Variants in MTF2 observed in about 807,000 individuals in gnomAD.
The protein encoded by MTF2 is metal-response element-binding transcription factor 2.
MTF2 carries 11 observed loss-of-function variants against 79.5 expected under a neutral mutation model. That is an observed-to-expected ratio of 0.14 (90% CI 0.09 to 0.23). The LOEUF (loss-of-function observed/expected upper bound fraction) is 0.23, where lower values mean the gene tolerates loss of function less well. Ranked by LOEUF, MTF2 falls within the 10% of genes least tolerant of loss-of-function variation. The pLI is 1.00. For missense variants in MTF2, 486 were observed against 711.2 expected (o/e 0.68, Z 3.60); for synonymous variants, 208 against 232.8 (o/e 0.89, Z 0.97).
At chr1:93,120,138 T>G (rs1329043552) in intron 8 of MTF2, 1 of 152,680 alleles carries the variant, frequency 6.5e-6, no homozygotes, top group Non-Finnish European at 1.5e-5. Context: ...CAAAAAAATT[T>G]AGCCTAGCGT....
chr1:93,091,736 C>G (rs1483801869), intron 1 of MTF2, among the ~76,000 whole-genome samples: 1 of 152,158 alleles, frequency 6.6e-6, no homozygotes, highest in Non-Finnish European at 1.5e-5. Context: ...AGTTAACTAA[C>G]TTAATTAAAT....
rs751341409 is a variant in MTF2 at position 93,127,216 on chromosome 1, T to C, written c.922-16T>C. On this transcript the variant is annotated splice_polypyrimidine_tract_variant and intron_variant, in intron 9 of 14. Coordinates refer to ENST00000370298, the MANE Select transcript of MTF2 (RefSeq NM_007358.4). ...TGAAATTGTAGTGCGTTAAATTGTT[T>C]CTTGATACTTCACAGCTGGCAGACA... The C allele has an allele frequency of 6.3e-7, 1 of 1,595,066 alleles. No homozygotes were observed. The highest frequency in any genetic ancestry group is 8.6e-7 in the Non-Finnish European group (1 of 1,162,926).
At chr1:93,099,608 G>A (rs890790313) in intron 1 of MTF2, among the ~76,000 whole-genome samples, 3 of 152,134 alleles carry the variant, frequency 2.0e-5, no homozygotes, top group African/African-American at 7.2e-5. Flanking sequence ...CAATTGTGAG[G>A]GTGGGATTGA....
At chr1:93,098,292 C>T (rs1422920537) in intron 1 of MTF2, among the ~76,000 whole-genome samples, 1 of 152,166 alleles carries the variant, frequency 6.6e-6, no homozygotes, top group Non-Finnish European at 1.5e-5. Flanking sequence ...TTGTCTGTCC[C>T]TGCCTTTTGC....
At chr1:93,089,213 AT>A (rs887551335) in intron 1 of MTF2, among the ~76,000 whole-genome samples, 2 of 152,182 alleles carry the variant, frequency 1.3e-5, no homozygotes, top group Admixed American at 1.3e-4. Context: ...GTGAGGTGAA[AT>A]TAAGTAAAAT....
intron 3 of MTF2, among the ~76,000 whole-genome samples, chr1:93,114,432 A>G (rs1656164718): frequency 6.6e-6 from 1 of 152,234 alleles, no homozygotes; most frequent in African/African-American, 2.4e-5. Context: ...ATGAGTAATA[A>G]GGGAAGATGC....
chr1:93,135,527 T>C (rs1408027962), intron 14 of MTF2, among the ~76,000 whole-genome samples: 2 of 152,246 alleles, frequency 1.3e-5, no homozygotes, highest in Non-Finnish European at 2.9e-5. Flanking sequence ...AATATTGTCT[T>C]ATTTAATTCT....
intron 1 of MTF2, among the ~76,000 whole-genome samples, chr1:93,109,362 C>T (rs1655939032): frequency 6.6e-6 from 1 of 151,558 alleles, no homozygotes; most frequent in East Asian, 1.9e-4. Context: ...GAGACAGAGT[C>T]TTGCTCTGTT....
Position 93,134,978 on chromosome 1 carries a change from A to AT in MTF2, c.1424+792dup, listed in dbSNP as rs200681560. Reference sequence around the variant, plus strand: ...AGGACAACGTTTTTGTTTATTGTTTATTTTTTTTTGAGATGGAGTCTCGCT... The same window carrying AT: ...AGGACAACGTTTTTGTTTATTGTTTATTTTTTTTTTGAGATGGAGTCTCGCT... On this transcript the variant is annotated intron_variant, in intron 14 of 14. Coordinates refer to ENST00000370298, the MANE Select transcript of MTF2 (RefSeq NM_007358.4). 5.3e-5 allele frequency among the ~76,000 whole-genome samples: 8 copies of AT among 150,254 alleles called. No individual in the cohort carries two copies. The South Asian group carries it at 6.3e-4, about 12-fold the overall frequency.
chr1:93,135,672 G>A lies in MTF2; in HGVS notation c.1425-998G>A, dbSNP rs576254346. 3.3e-5 allele frequency among the ~76,000 whole-genome samples: 5 copies of A among 152,278 alleles called. No homozygotes were observed. In the South Asian group the frequency reaches 8.3e-4, roughly 25 times the overall value. ...CCTACAAAAGAAAAAAATTATCTGG[G>A]CGTGGTATTGGTGTCTGTAGTCCTA... On this transcript the variant is annotated intron_variant, in intron 14 of 14. Coordinates refer to ENST00000370298, the MANE Select transcript of MTF2 (RefSeq NM_007358.4).
At chr1:93,135,753 G>A (rs1647364283) in intron 14 of MTF2, among the ~76,000 whole-genome samples, 1 of 152,240 alleles carries the variant, frequency 6.6e-6, no homozygotes, top group African/African-American at 2.4e-5. Context: ...CAGGGCTCCT[G>A]TGAGCCATGA....
At chr1:93,080,003 G>A (rs1164601924) in intron 1 of MTF2, among the ~76,000 whole-genome samples, 2 of 151,986 alleles carry the variant, frequency 1.3e-5, no homozygotes, top group Admixed American at 1.3e-4. Context: ...GGAATCGGAG[G>A]GTGGAATTGT....
At chr1:93,103,496 A>G (rs984835611) in intron 1 of MTF2, among the ~76,000 whole-genome samples, 1 of 151,578 alleles carries the variant, frequency 6.6e-6, no homozygotes, top group African/African-American at 2.4e-5. Flanking sequence ...TTATAGAATA[A>G]TATATATAAT....
At chr1:93,132,626 G>A (rs1168376734) in intron 11 of MTF2, among the ~76,000 whole-genome samples, 4 of 152,134 alleles carry the variant, frequency 2.6e-5, no homozygotes, top group Non-Finnish European at 4.4e-5. Flanking sequence ...TGATTATAGC[G>A]TCTGGTTCTA....
At chr1:93,103,475 T>C (rs1186309657) in intron 1 of MTF2, among the ~76,000 whole-genome samples, 1 of 151,486 alleles carries the variant, frequency 6.6e-6, no homozygotes, top group Admixed American at 6.6e-5. Flanking sequence ...TACATTGTTA[T>C]GTGAGAAAAT....
chr1:93,080,060 A>AG (rs1654537250), intron 1 of MTF2, among the ~76,000 whole-genome samples: 1 of 152,076 alleles, frequency 6.6e-6, no homozygotes, highest in African/African-American at 2.4e-5. Flanking sequence ...GGTAAGGATA[A>AG]GGGGAACACA....
At chr1:93,132,848 T>C (rs1309872300) in intron 11 of MTF2, among the ~76,000 whole-genome samples, 3 of 152,170 alleles carry the variant, frequency 2.0e-5, no homozygotes, top group Admixed American at 2.0e-4. Context: ...GCTTGGCTTG[T>C]ATACACATTT....
At chr1:93,113,925 C>G (rs1656142707) in intron 3 of MTF2, among the ~76,000 whole-genome samples, 1 of 151,630 alleles carries the variant, frequency 6.6e-6, no homozygotes, top group South Asian at 2.1e-4. Context: ...GTGAATTTGA[C>G]TCTGCTGAAA....
rs761124833 is a variant in MTF2 at position 93,120,710 on chromosome 1, T to A, written c.921+38T>A. On this transcript the variant is annotated intron_variant, in intron 9 of 14. Coordinates refer to ENST00000370298, the MANE Select transcript of MTF2 (RefSeq NM_007358.4). ...AGAACTAACTTCAGTAGCTACTTGA[T>A]GTCTTTTTTGTTTTGTTTTGTTTTT... 30 of 1,584,990 alleles carry A rather than the reference T, an allele frequency of 1.9e-5. No individual in the cohort carries two copies. The South Asian group carries it at 3.3e-4, about 17-fold the overall frequency.
Sources: allele counts gnomAD v4.1 joint callset (sites outside exome capture counted in the v4.1 genomes callset), GRCh38; gene constraint gnomAD v4.1.1; transcripts MANE v1.5; gene names NCBI Gene and HGNC (gene_info 2026-07-23, HGNC 2026-07-21).